The following RNF220 variants were observed in gnomAD, a reference collection of about 807,000 sequenced individuals.
RNF220 encodes ring finger protein 220, also known as E3 ubiquitin-protein ligase RNF220.
RNF220 carries 7 observed loss-of-function variants against 67.1 expected under a neutral mutation model. The observed-to-expected ratio is 0.10, with a 90% CI of 0.06 to 0.20. The LOEUF is 0.20. RNF220 is among the 10% of genes least tolerant of loss of function. The pLI is 1.00. For missense variants in RNF220, 565 were observed against 740.3 expected, an observed-to-expected ratio of 0.76 and a Z score of 2.75; for synonymous variants, 270 against 283.2, an observed-to-expected ratio of 0.95 and a Z score of 0.47.
chr1:44,516,351 G>C (rs1389305767), intron 2 of RNF220, among the ~76,000 whole-genome samples: 1 of 152,186 alleles, frequency 6.6e-6, no homozygotes, highest in Non-Finnish European at 1.5e-5. Context: ...ATCAACTAGA[G>C]ACCTTAAGGA....
At position 44,633,486 on chromosome 1, in the gene RNF220, A is replaced by G. The variant is rs188404155; in HGVS notation, c.949+1101A>G. Among the ~76,000 whole-genome samples, 408 of 152,324 alleles carry G rather than the reference A, an allele frequency of 2.7e-3. 3 individuals are homozygous for G. The highest frequency in any genetic ancestry group is 9.5e-3 in the African/African-American group (395 of 41,562). On this transcript the variant is annotated intron_variant, in intron 6 of 14. Coordinates refer to ENST00000361799, the MANE Select transcript of RNF220 (RefSeq NM_018150.4). ...TCCCTACCACACTTTGGTAAGCTTA[A>G]TTCAGGATTTAGAAGATGAATGGGA...
intron 2 of RNF220, among the ~76,000 whole-genome samples, chr1:44,576,426 G>A (rs1664809014): frequency 6.6e-6 from 1 of 152,190 alleles, no homozygotes; most frequent in Admixed American, 6.5e-5. Flanking sequence ...TGCGGGACCA[G>A]ATCTTACACT....
intron 2 of RNF220, among the ~76,000 whole-genome samples, chr1:44,573,791 T>C (rs1664614031): frequency 6.6e-6 from 1 of 152,236 alleles, no homozygotes. Context: ...CCCTATGTCC[T>C]CTTAGAGTTA....
intron 2 of RNF220, among the ~76,000 whole-genome samples, chr1:44,596,349 G>T (rs893724154): frequency 1.3e-5 from 2 of 152,070 alleles, no homozygotes; most frequent in African/African-American, 4.8e-5. Context: ...ATCACCTGAG[G>T]TCAGGAGTCA....
At chr1:44,584,772 C>A (rs111453387) in intron 2 of RNF220, among the ~76,000 whole-genome samples, 2,760 of 152,300 alleles carry the variant, frequency 0.018, 96 homozygotes, top group African/African-American at 0.062. Context: ...CATCTCAGCT[C>A]GCTGCAACCT....
rs1456447591 is a variant in RNF220 at position 44,600,277 on chromosome 1, T to G, written c.626-13888T>G. On this transcript the variant is annotated intron_variant, in intron 2 of 14. Transcript: ENST00000361799. The surrounding 1 kb of genome is among the most constrained non-coding windows in gnomAD (Gnocchi z 4.0). ...TCTTCTACGCAGTGTTGTACGTGGCTCAGATTGGAGGTACAGGCTGAGGGA... is the reference window on the plus strand; with the variant it reads ...TCTTCTACGCAGTGTTGTACGTGGCGCAGATTGGAGGTACAGGCTGAGGGA... 1.3e-5 allele frequency among the ~76,000 whole-genome samples: 2 copies of G among 152,088 alleles called. No homozygotes were observed. The highest frequency in any genetic ancestry group is 2.9e-5 in the Non-Finnish European group (2 of 68,022).
At chr1:44,539,534 A>G (rs1009520688) in intron 2 of RNF220, among the ~76,000 whole-genome samples, 6 of 152,346 alleles carry the variant, frequency 3.9e-5, no homozygotes, top group Admixed American at 2.0e-4. Context: ...CAGGCTAATC[A>G]TCATAATGCA....
At chr1:44,472,443 T>C (rs1179715549) in intron 2 of RNF220, among the ~76,000 whole-genome samples, 1 of 152,234 alleles carries the variant, frequency 6.6e-6, no homozygotes, top group African/African-American at 2.4e-5. Flanking sequence ...CTAGTGGGTG[T>C]AAAGCAATAT....
intron 2 of RNF220, among the ~76,000 whole-genome samples, chr1:44,493,826 A>C (rs1003729099): frequency 3.3e-5 from 5 of 151,710 alleles, no homozygotes; most frequent in African/African-American, 1.2e-4. Context: ...AAAAGTAAAA[A>C]CTCAAATAAA....
At chr1:44,641,391 T>C (rs893290949) in intron 8 of RNF220, among the ~76,000 whole-genome samples, 7 of 152,162 alleles carry the variant, frequency 4.6e-5, no homozygotes, top group Non-Finnish European at 8.8e-5. Context: ...TCCTGGGGGC[T>C]GAGTTCCTTC....
intron 2 of RNF220, among the ~76,000 whole-genome samples, chr1:44,416,646 G>T (rs957774774): frequency 1.3e-5 from 2 of 152,230 alleles, no homozygotes; most frequent in Admixed American, 6.5e-5. Context: ...AGAACTGCCC[G>T]CGTGGAGCGG....
At chr1:44,440,558 G>A (rs568055554) in intron 2 of RNF220, among the ~76,000 whole-genome samples, 2 of 152,332 alleles carry the variant, frequency 1.3e-5, no homozygotes, top group South Asian at 2.1e-4. Flanking sequence ...ATATAGTGCA[G>A]CTGAGACTCA....
chr1:44,461,846 C>T (rs373287779), intron 2 of RNF220, among the ~76,000 whole-genome samples: 5 of 151,768 alleles, frequency 3.3e-5, no homozygotes, highest in African/African-American at 9.7e-5. Flanking sequence ...AATGAAACCT[C>T]GCATCTGTCA....
At chr1:44,592,593 C>T (rs1030064362) in intron 2 of RNF220, among the ~76,000 whole-genome samples, 5 of 152,200 alleles carry the variant, frequency 3.3e-5, no homozygotes, top group South Asian at 2.1e-4. Context: ...TGTGATTCCC[C>T]GCTTGGGGCA....
At chr1:44,637,215 G>C (rs934476905) in intron 8 of RNF220, among the ~76,000 whole-genome samples, 1 of 152,240 alleles carries the variant, frequency 6.6e-6, no homozygotes, top group Non-Finnish European at 1.5e-5. Context: ...AGTGCAGACT[G>C]GTTCCACGAA....
intron 2 of RNF220, among the ~76,000 whole-genome samples, chr1:44,521,279 C>A (rs1250929920): frequency 6.6e-6 from 1 of 152,206 alleles, no homozygotes; most frequent in Non-Finnish European, 1.5e-5. Flanking sequence ...GATATCTATT[C>A]AGCAAACATC....
intron 2 of RNF220, among the ~76,000 whole-genome samples, chr1:44,568,619 T>C (rs1263006820): frequency 1.3e-5 from 2 of 152,216 alleles, no homozygotes; most frequent in South Asian, 2.1e-4. Context: ...CGTTTCTCTG[T>C]AGTCCTTGCC....
intron 5 of RNF220, among the ~76,000 whole-genome samples, chr1:44,631,085 GAAC>G (rs1644103158): frequency 1.3e-5 from 2 of 152,366 alleles, no homozygotes; most frequent in South Asian, 4.1e-4. Context: ...AACCATGGAA[GAAC>G]AACTCAGGGC....
intron 6 of RNF220, chr1:44,632,801 C>T (rs1355727326): frequency 1.0e-5 from 2 of 197,892 alleles, no homozygotes; most frequent in Admixed American, 5.2e-5. Context: ...TCTGCTGAGA[C>T]TTGACAATAC....
Sources: gnomAD v4.1 joint callset for allele counts (sites outside exome capture counted in the v4.1 genomes callset) on GRCh38, gnomAD v4.1.1 for gene constraint, Gnocchi (gnomAD v3.1) non-coding constraint, MANE v1.5 for transcripts, NCBI Gene and HGNC (gene_info 2026-07-23, HGNC 2026-07-21) for gene names.